CRB1: variants seen among roughly 807,000 people sequenced by gnomAD.
CRB1 encodes the protein protein crumbs homolog 1.
A neutral mutation model predicts 120.0 loss-of-function variants in CRB1; 83 were observed. The observed-to-expected ratio is 0.69, with a 90% CI of 0.58 to 0.83. The LOEUF is 0.83. Ranked by LOEUF, CRB1 falls within the 40% of genes least tolerant of loss-of-function variation. The probability of loss-of-function intolerance (pLI) is 0.00; values close to 1 mark genes in which losing one functional copy is unlikely to be tolerated. For synonymous variants in CRB1, 625 were observed against 612.5 expected (o/e 1.02, Z -0.30); for missense variants, 1,699 against 1,687.6 (o/e 1.01, Z -0.12).
intron 5 of CRB1, chr1:197,413,923 A>T (rs1455289385): frequency 4.4e-6 from 2 of 456,618 alleles, no homozygotes; most frequent in African/African-American, 4.0e-5. Context: ...AGGTGTTTGG[A>T]TGGATACCTC....
At chr1:197,285,376 C>G (rs1045853943) in intron 1 of CRB1, among the ~76,000 whole-genome samples, 2 of 151,472 alleles carry the variant, frequency 1.3e-5, no homozygotes, top group Non-Finnish European at 2.9e-5. Context: ...AAGGCCTTGC[C>G]CTTTAGAGAA....
intron 5 of CRB1, among the ~76,000 whole-genome samples, chr1:197,405,823 A>T (rs1306390524): frequency 6.6e-6 from 1 of 150,838 alleles, no homozygotes; most frequent in African/African-American, 2.5e-5. Context: ...CTGAGAAGTG[A>T]GGAGCCCCTC....
intron 2 of CRB1, among the ~76,000 whole-genome samples, chr1:197,335,644 G>T (rs981651050): frequency 3.3e-5 from 5 of 152,042 alleles, no homozygotes; most frequent in African/African-American, 1.2e-4. Flanking sequence ...GAGTACAGGA[G>T]CGTGCCACCA....
chr1:197,469,373 G>T (rs1243340393), intron 11 of CRB1, among the ~76,000 whole-genome samples: 1 of 152,158 alleles, frequency 6.6e-6, no homozygotes, highest in East Asian at 1.9e-4. Flanking sequence ...GGAAATAAAA[G>T]TGTGTAGAGA....
chr1:197,324,012 GAAAACTTTCTC>G (rs1225348039), intron 1 of CRB1, among the ~76,000 whole-genome samples: 10 of 152,194 alleles, frequency 6.6e-5, no homozygotes, highest in Admixed American at 6.5e-4. Flanking sequence ...TATGTTGACA[GAAAACTTTCTC>G]AGTGAGGCCA....
In CRB1 at chr1:197,405,675, G is replaced by A. The variant is rs1425981460; in HGVS notation, c.1172-15325G>A. ...GCCCATCGTCTGAGATGTGGGGAGC[G>A]CCTCTGCCCTGCCGCCCCGTCTGGG... On this transcript the variant is annotated intron_variant, in intron 5 of 11. Transcript: ENST00000367400. 5.3e-5 allele frequency among the ~76,000 whole-genome samples: 8 copies of A among 149,862 alleles called. 1 individual carries two copies. The highest frequency in any genetic ancestry group is 2.0e-4 in the Admixed American group (3 of 15,128).
intron 5 of CRB1, among the ~76,000 whole-genome samples, chr1:197,403,425 C>T (rs1007902077): frequency 2.0e-5 from 3 of 152,082 alleles, no homozygotes; most frequent in Admixed American, 6.5e-5. Context: ...GATGGCTTCT[C>T]GGGAAGTTCT....
the CRB1 span, among the ~76,000 whole-genome samples, chr1:197,235,829 G>T: frequency 6.6e-6 from 1 of 151,996 alleles, no homozygotes; most frequent in African/African-American, 2.4e-5. Flanking sequence ...AAACCTATAT[G>T]ATCCAAGGAT....
At chr1:197,262,170 C>T in the CRB1 span, among the ~76,000 whole-genome samples, 8 of 152,032 alleles carry the variant, frequency 5.3e-5, no homozygotes, top group Middle Eastern at 3.2e-3. Context: ...TTGTATAGTA[C>T]GTGTAAAACA....
intron 5 of CRB1, among the ~76,000 whole-genome samples, chr1:197,413,072 A>T (rs1273635721): frequency 6.6e-6 from 1 of 152,192 alleles, no homozygotes; most frequent in Admixed American, 6.5e-5. Context: ...AATTGCTCTG[A>T]TTGTGAGAAT....
chr1:197,207,292 T>C, the CRB1 span, among the ~76,000 whole-genome samples: 2 of 151,978 alleles, frequency 1.3e-5, no homozygotes, highest in Non-Finnish European at 2.9e-5. Context: ...TTTTTTTTCA[T>C]TGGGTTTTTA....
At chr1:197,457,614 T>C (rs1022782656) in intron 11 of CRB1, among the ~76,000 whole-genome samples, 3 of 152,154 alleles carry the variant, frequency 2.0e-5, no homozygotes, top group African/African-American at 7.2e-5. Flanking sequence ...ACCAAAGGAC[T>C]AAATGAACGA....
chr1:197,302,303 A>G (rs1656913637), intron 1 of CRB1, among the ~76,000 whole-genome samples: 1 of 152,196 alleles, frequency 6.6e-6, no homozygotes, highest in Non-Finnish European at 1.5e-5. Flanking sequence ...AAATTAAGGT[A>G]TGCACATTGT....
intron 5 of CRB1, among the ~76,000 whole-genome samples, chr1:197,398,248 G>T (rs956869309): frequency 3.3e-5 from 5 of 152,112 alleles, no homozygotes; most frequent in African/African-American, 1.2e-4. Context: ...GTGATGAAAA[G>T]TTCCTCAACC....
intron 4 of CRB1, among the ~76,000 whole-genome samples, chr1:197,348,827 G>A (rs866754483): frequency 4.6e-5 from 7 of 152,044 alleles, no homozygotes; most frequent in Non-Finnish European, 1.0e-4. Context: ...TTTAAGCTAA[G>A]CATTATTTAA....
At chr1:197,438,436 C>G in intron 9 of CRB1, 111 bp from the exon 10 acceptor site, 1 of 1,328,236 alleles carries the variant, frequency 7.5e-7, no homozygotes, top group South Asian at 1.2e-5. Flanking sequence ...CTCCTCCAGC[C>G]TGAGTACTTA....
chr1:197,477,236 C>T (rs1364715343), intron 11 of CRB1, among the ~76,000 whole-genome samples: 1 of 152,244 alleles, frequency 6.6e-6, no homozygotes, highest in African/African-American at 2.4e-5. Flanking sequence ...CCCAAAGCAA[C>T]AAAACAAAAC....
rs868438306 is a variant in CRB1, at chr1:197,355,768, A to G, written c.989-1063A>G. 9.2e-5 allele frequency among the ~76,000 whole-genome samples: 14 copies of G among 151,660 alleles called. No homozygotes were observed. The Middle Eastern group carries it at 0.01, about 111-fold the overall frequency. The stretch of plus-strand genomic sequence containing the variant: ...CCGTGCAGCCTCGGTTCCCACACAC[A>G]TCTGTCCCTCCACACCTCCCCGCAG... On this transcript the variant is annotated intron_variant, in intron 4 of 11. Coordinates refer to ENST00000367400, the MANE Select transcript of CRB1 (RefSeq NM_201253.3).
chr1:197,394,319 A>G (rs1662661703), intron 5 of CRB1, among the ~76,000 whole-genome samples: 1 of 152,146 alleles, frequency 6.6e-6, no homozygotes, highest in African/African-American at 2.4e-5. Context: ...TTTTGATAAT[A>G]TAGTGTATAA....
Sources: allele counts gnomAD v4.1 joint callset (sites outside exome capture counted in the v4.1 genomes callset), GRCh38; gene constraint gnomAD v4.1.1; transcripts MANE v1.5; gene names NCBI Gene and HGNC (gene_info 2026-07-23, HGNC 2026-07-21).